The following ADGRL2 variants were observed in gnomAD, a reference collection of about 807,000 sequenced individuals.
The protein encoded by ADGRL2 is calcium-independent alpha-latrotoxin receptor 2.
A neutral mutation model predicts 157.4 loss-of-function variants in ADGRL2; 44 were observed. The observed-to-expected ratio is 0.28, with a 90% CI of 0.22 to 0.36. ADGRL2 has a LOEUF of 0.36. Ranked by LOEUF, ADGRL2 falls within the 10% of genes least tolerant of loss-of-function variation. The pLI, the probability that ADGRL2 is intolerant of heterozygous loss-of-function variation, is 1.00. For missense variants in ADGRL2, 1,510 were observed against 1,768.9 expected, an observed-to-expected ratio of 0.85 and a Z score of 2.63; for synonymous variants, 585 against 624.7, an observed-to-expected ratio of 0.94 and a Z score of 0.95.
Position 81,986,961 on chromosome 1 carries a change from C to G in ADGRL2, c.3569C>G (p.Pro1190Arg). The change falls in exon 22 of 24, where the codon CCC (proline) becomes CGC (arginine). Residue 1190 changes from proline to arginine, a missense_variant. Around this residue, in one of 4 missense-constraint regions of ADGRL2, gnomAD observed 497 missense variants for 627.2 expected, o/e 0.79. Coordinates refer to ENST00000686636, the MANE Select transcript of ADGRL2 (RefSeq NM_001366006.2). ...PLLRPHGTNN[P>R]YNTLLAETVV... Reference sequence around the variant, plus strand: ...CTTCGACCCCACGGCACTAACAACCCCTATAACACATTGCTCGCTGAAACA... The same window carrying G: ...CTTCGACCCCACGGCACTAACAACCGCTATAACACATTGCTCGCTGAAACA... The G allele has an allele frequency of 6.2e-7, 1 of 1,611,746 alleles. No individual in the cohort carries two copies.
Position 81,803,859 on chromosome 1 carries a change from TTC to T in ADGRL2, c.-101+2795_-101+2796del, listed in dbSNP as rs556158400. On this transcript the variant is annotated intron_variant, in intron 1 of 23. Coordinates refer to ENST00000686636, the MANE Select transcript of ADGRL2 (RefSeq NM_001366006.2). ...TAACGGACGTAGTTGATTCATTCAT[TTC>T]TCTGTCACTATTTATGTGTGGAACG... Among the ~76,000 whole-genome samples the T allele has an allele frequency of 6.2e-3, 947 of 152,352 alleles. 11 individuals are homozygous for T. Among genetic ancestry groups the T allele is most frequent in the African/African-American group, 0.021 (880 of 41,582 alleles).
chr1:81,558,443 C>A (rs951540687), intron 2 of ADGRL2, among the ~76,000 whole-genome samples: 2 of 152,124 alleles, frequency 1.3e-5, no homozygotes, highest in African/African-American at 2.4e-5. Flanking sequence ...AATTACAACA[C>A]CTTTCATAGT....
chr1:81,655,808 A>G (rs1359359903), intron 3 of ADGRL2, among the ~76,000 whole-genome samples: 2 of 95,856 alleles, frequency 2.1e-5, no homozygotes, highest in Non-Finnish European at 4.9e-5. Context: ...CATATATCGT[A>G]TGGCTCTTAT....
chr1:81,862,288 T>C (rs975606933), intron 2 of ADGRL2, among the ~76,000 whole-genome samples: 1 of 152,160 alleles, frequency 6.6e-6, no homozygotes, highest in African/African-American at 2.4e-5. Flanking sequence ...TTTTACGTTA[T>C]GGGTAAATTT....
intron 2 of ADGRL2, among the ~76,000 whole-genome samples, chr1:81,559,449 G>GT (rs548031419): frequency 0.046 from 6,516 of 140,540 alleles, 182 homozygotes; most frequent in African/African-American, 0.081. Flanking sequence ...TATGCTCCAT[G>GT]TTTTTTTTTT....
Position 81,990,372 on chromosome 1 carries a change from T to G in ADGRL2, c.3656-19T>G, listed in dbSNP as rs1317090722. On this transcript the variant is annotated intron_variant, in intron 23 of 23. Transcript: ENST00000686636. ...AAGGAACAGAGACAGTAATGATAAC[T>G]CCCCCTCTTCTGTTTCAGGACATTC... is the stretch of plus-strand genomic sequence containing the variant. 1 of 1,603,800 alleles carries G rather than the reference T, an allele frequency of 6.2e-7. No individual in the cohort carries two copies. The highest frequency in any genetic ancestry group is 1.3e-5 in the African/African-American group (1 of 74,692).
At chr1:81,847,182 A>G (rs1278660023) in intron 2 of ADGRL2, among the ~76,000 whole-genome samples, 3 of 151,972 alleles carry the variant, frequency 2.0e-5, no homozygotes, top group Non-Finnish European at 2.9e-5. Context: ...GCCGCAGAAG[A>G]AAGATGATGG....
intron 2 of ADGRL2, among the ~76,000 whole-genome samples, chr1:81,516,122 T>G (rs2079172089): frequency 6.6e-6 from 1 of 152,226 alleles, no homozygotes; most frequent in African/African-American, 2.4e-5. Flanking sequence ...TTCAAATCTT[T>G]GCCAGTGTGA....
At position 81,958,221 on chromosome 1, in the gene ADGRL2, C is replaced by G. The variant is rs188289721; in HGVS notation, c.2017+2161C>G. 1.8e-3 allele frequency among the ~76,000 whole-genome samples: 276 copies of G among 151,904 alleles called. 4 individuals carry two copies. Among genetic ancestry groups the G allele is most frequent in the African/African-American group, 6.4e-3 (264 of 41,410 alleles). On this transcript the variant is annotated intron_variant, in intron 11 of 23. Coordinates refer to ENST00000686636, the MANE Select transcript of ADGRL2 (RefSeq NM_001366006.2). Reference sequence around the variant, plus strand: ...GCAGTGAGCCGTGATCACGCCATTGCACTCCAGCCTGGGCGACAAGAGCAA... The same window carrying G: ...GCAGTGAGCCGTGATCACGCCATTGGACTCCAGCCTGGGCGACAAGAGCAA...
At chr1:81,710,607 G>C (rs530693384) in intron 1 of ADGRL2, among the ~76,000 whole-genome samples, 2 of 138,990 alleles carry the variant, frequency 1.4e-5, no homozygotes, top group African/African-American at 5.4e-5. Flanking sequence ...GTGACAGAGA[G>C]AGACTCTGCT....
intron 3 of ADGRL2, among the ~76,000 whole-genome samples, chr1:81,936,218 A>C (rs1237778317): frequency 6.6e-6 from 1 of 151,992 alleles, no homozygotes; most frequent in Non-Finnish European, 1.5e-5. Flanking sequence ...ATTCACACCC[A>C]ACTGGATTTA....
chr1:81,832,836 A>C (rs1413027604), intron 1 of ADGRL2, among the ~76,000 whole-genome samples: 2 of 152,196 alleles, frequency 1.3e-5, no homozygotes, highest in Non-Finnish European at 2.9e-5. Flanking sequence ...TGCTTAGCTG[A>C]CTTACTGAAG....
At chr1:81,938,758 TA>T (rs1047219953) in intron 4 of ADGRL2, among the ~76,000 whole-genome samples, 7 of 151,378 alleles carry the variant, frequency 4.6e-5, no homozygotes, top group Non-Finnish European at 8.9e-5. Context: ...CAACTAATAT[TA>T]AAATACAATG....
intron 3 of ADGRL2, among the ~76,000 whole-genome samples, chr1:81,909,722 G>T (rs1176086897): frequency 3.4e-5 from 5 of 147,148 alleles, no homozygotes; most frequent in East Asian, 2.0e-4. Context: ...ACCATTGCTT[G>T]TTTTTTTTTT....
chr1:81,940,668 A>G (rs1239369092), intron 4 of ADGRL2, among the ~76,000 whole-genome samples: 1 of 151,590 alleles, frequency 6.6e-6, no homozygotes, highest in Admixed American at 6.6e-5. Context: ...AATTAATCAA[A>G]CTAAGATCTT....
At chr1:81,836,743 A>T (rs2092303469) in intron 1 of ADGRL2, 142 bp from the exon 2 acceptor site, 3 of 359,018 alleles carry the variant, frequency 8.4e-6, no homozygotes, top group Non-Finnish European at 1.5e-5. Flanking sequence ...TCAGATATCC[A>T]GTGTATAGGA....
intron 3 of ADGRL2, chr1:81,588,331 C>A: frequency 6.6e-6 from 1 of 152,444 alleles, no homozygotes; most frequent in Non-Finnish European, 1.5e-5. Context: ...ATGCCAATAG[C>A]AGCCACTGCA....
chr1:81,490,146 TTC>T (rs1316661424), intron 2 of ADGRL2, among the ~76,000 whole-genome samples: 1 of 151,626 alleles, frequency 6.6e-6, no homozygotes, highest in Non-Finnish European at 1.5e-5. Context: ...TTTTTTTTTT[TTC>T]GAGACAGAGT....
intron 1 of ADGRL2, among the ~76,000 whole-genome samples, chr1:81,413,450 T>TAA (rs907038638): frequency 6.7e-6 from 1 of 149,562 alleles, no homozygotes; most frequent in Non-Finnish European, 1.5e-5. Flanking sequence ...TAATTTCACT[T>TAA]AAAAAAAAAA....
Sources: gnomAD v4.1 joint callset for allele counts (sites outside exome capture counted in the v4.1 genomes callset) on GRCh38, gnomAD v4.1.1 for gene constraint, gnomAD v4.1.1 regional missense constraint, MANE v1.5 for transcripts, NCBI Gene and HGNC (gene_info 2026-07-23, HGNC 2026-07-21) for gene names.